The following MAPKAP1 variants were observed in gnomAD, a reference collection of about 807,000 sequenced individuals.
MAPKAP1 encodes target of rapamycin complex 2 subunit MAPKAP1.
MAPKAP1 carries 20 observed loss-of-function variants against 65.7 expected under a neutral mutation model. The observed-to-expected ratio is 0.30, with a 90% CI of 0.21 to 0.44. The LOEUF (loss-of-function observed/expected upper bound fraction) is 0.44. Ranked by LOEUF, MAPKAP1 falls within the 20% of genes least tolerant of loss-of-function variation. MAPKAP1 has a pLI of 1.00. For missense variants in MAPKAP1, 423 were observed against 648.0 expected, an observed-to-expected ratio of 0.65 and a Z score of 3.77; for synonymous variants, 222 against 244.3, an observed-to-expected ratio of 0.91 and a Z score of 0.85.
chr9:125,556,655 A>G (rs1294484897), intron 6 of MAPKAP1, among the ~76,000 whole-genome samples: 1 of 152,190 alleles, frequency 6.6e-6, no homozygotes, highest in African/African-American at 2.4e-5. Context: ...ACTGGGAGAC[A>G]AATGGAAGGA....
intron 6 of MAPKAP1, among the ~76,000 whole-genome samples, chr9:125,557,113 T>C (rs1830758641): frequency 6.6e-6 from 1 of 152,092 alleles, no homozygotes; most frequent in African/African-American, 2.4e-5. Flanking sequence ...GAGTATTAAG[T>C]TTAAAGCAGT....
At chr9:125,641,797 C>T (rs1181739821) in intron 4 of MAPKAP1, among the ~76,000 whole-genome samples, 6 of 151,902 alleles carry the variant, frequency 3.9e-5, no homozygotes, top group Admixed American at 1.3e-4. Context: ...TTTGGGAGAC[C>T]GAGGCAGGCA....
chr9:125,571,167 T>G (rs538934782), intron 5 of MAPKAP1, among the ~76,000 whole-genome samples: 1 of 152,356 alleles, frequency 6.6e-6, no homozygotes, highest in African/African-American at 2.4e-5. Context: ...ATGTTCCAAA[T>G]TATGGGAAAC....
Position 125,459,805 on chromosome 9 carries a change from GAA to G in MAPKAP1, c.1345+8165_1345+8166del, listed in dbSNP as rs1248885026. 4.2e-4 allele frequency among the ~76,000 whole-genome samples: 64 copies of G among 152,094 alleles called. No homozygotes were observed. In the Middle Eastern group the frequency reaches 0.014, roughly 32 times the overall value. ...GGCTCGGCATCAGAGGGAGACCGTG[GAA>G]AGAGAGGGAGAGGGAGACCGTGGAA... is the stretch of plus-strand genomic sequence containing the variant. On this transcript the variant is annotated intron_variant, in intron 10 of 11. Coordinates refer to ENST00000265960, the MANE Select transcript of MAPKAP1 (RefSeq NM_001006617.3).
chr9:125,460,884 A>G (rs1853469634), intron 10 of MAPKAP1, among the ~76,000 whole-genome samples: 4 of 152,234 alleles, frequency 2.6e-5, no homozygotes, highest in Admixed American at 1.3e-4. Flanking sequence ...AGAATTAGAA[A>G]AAGTCATCAA....
At chr9:125,599,350 G>A (rs1564576488) in intron 4 of MAPKAP1, among the ~76,000 whole-genome samples, 1 of 152,098 alleles carries the variant, frequency 6.6e-6, no homozygotes, top group Non-Finnish European at 1.5e-5. Context: ...GCTAAAATGT[G>A]TTTATGTCCA....
intron 4 of MAPKAP1, among the ~76,000 whole-genome samples, chr9:125,609,871 C>T (rs1167160276): frequency 6.6e-6 from 1 of 152,230 alleles, no homozygotes; most frequent in African/African-American, 2.4e-5. Flanking sequence ...GTGCCTGGCA[C>T]TGGGCTGAGT....
chr9:125,665,945 GGA>G (rs1260136775), intron 3 of MAPKAP1, among the ~76,000 whole-genome samples: 1 of 152,166 alleles, frequency 6.6e-6, no homozygotes, highest in East Asian at 1.9e-4. Flanking sequence ...AACTTCTTGA[GGA>G]GAGGATTCAT....
intron 5 of MAPKAP1, among the ~76,000 whole-genome samples, chr9:125,575,121 G>A (rs1831353306): frequency 6.6e-6 from 1 of 152,206 alleles, no homozygotes; most frequent in African/African-American, 2.4e-5. Flanking sequence ...GGAGACTGAG[G>A]CAGGATGATT....
chr9:125,630,678 T>G (rs1189450586), intron 4 of MAPKAP1, among the ~76,000 whole-genome samples: 3 of 152,064 alleles, frequency 2.0e-5, no homozygotes, highest in Non-Finnish European at 4.4e-5. Flanking sequence ...TCTGCTATGG[T>G]TTGGATGTTT....
chr9:125,465,124 G>C (rs755564930), intron 10 of MAPKAP1, among the ~76,000 whole-genome samples: 23 of 152,134 alleles, frequency 1.5e-4, no homozygotes, highest in Non-Finnish European at 3.1e-4. Flanking sequence ...CAAGACACTT[G>C]TGCTACCAGA....
chr9:125,581,007 T>G (rs1001083645), intron 5 of MAPKAP1, among the ~76,000 whole-genome samples: 2 of 152,256 alleles, frequency 1.3e-5, no homozygotes, highest in South Asian at 2.1e-4. Context: ...ACTACGTGAA[T>G]CCACCCAAGT....
At chr9:125,684,962 C>T (rs757167923) in intron 1 of MAPKAP1, among the ~76,000 whole-genome samples, 9 of 152,206 alleles carry the variant, frequency 5.9e-5, no homozygotes, top group Non-Finnish European at 1.2e-4. Context: ...CCTGAGCCAC[C>T]GCACCCGGCT....
chr9:125,568,162 G>C (rs1196776730), intron 5 of MAPKAP1, among the ~76,000 whole-genome samples: 1 of 152,116 alleles, frequency 6.6e-6, no homozygotes, highest in African/African-American at 2.4e-5. Context: ...CCCAACTTAG[G>C]AGGGTTAAAG....
intron 4 of MAPKAP1, among the ~76,000 whole-genome samples, chr9:125,642,069 G>T (rs978685505): frequency 6.6e-6 from 1 of 151,896 alleles, no homozygotes; most frequent in Non-Finnish European, 1.5e-5. Context: ...GGCCGGTGTG[G>T]TGGCATGCAC....
intron 4 of MAPKAP1, among the ~76,000 whole-genome samples, chr9:125,634,213 G>A (rs541226414): frequency 2.6e-5 from 4 of 152,292 alleles, no homozygotes; most frequent in East Asian, 1.9e-4. Flanking sequence ...ACAAGTTTCC[G>A]TAGGTGTGAT....
At chr9:125,611,066 T>A (rs1361199741) in intron 4 of MAPKAP1, among the ~76,000 whole-genome samples, 1 of 152,162 alleles carries the variant, frequency 6.6e-6, no homozygotes, top group Non-Finnish European at 1.5e-5. Flanking sequence ...TATGGTTGAG[T>A]AGGAGAATGT....
chr9:125,470,424 T>C (rs527621455), intron 9 of MAPKAP1, among the ~76,000 whole-genome samples: 6 of 152,312 alleles, frequency 3.9e-5, no homozygotes, highest in Admixed American at 3.3e-4. Flanking sequence ...CAAGCCAAGG[T>C]CACTCCCCAT....
At chr9:125,657,349 A>G (rs1834061930) in intron 4 of MAPKAP1, among the ~76,000 whole-genome samples, 1 of 152,052 alleles carries the variant, frequency 6.6e-6, no homozygotes, top group South Asian at 2.1e-4. Context: ...ACACATATAT[A>G]TATGTGTGTT....
Sources: gnomAD v4.1 joint callset for allele counts (sites outside exome capture counted in the v4.1 genomes callset) on GRCh38, gnomAD v4.1.1 for gene constraint, MANE v1.5 for transcripts, NCBI Gene and HGNC (gene_info 2026-07-23, HGNC 2026-07-21) for gene names.